The following E2F1 variants were observed in gnomAD, a reference collection of about 807,000 sequenced individuals.
E2F1 encodes transcription factor E2F1.
A neutral mutation model predicts 36.9 loss-of-function variants in E2F1; 7 were observed. The observed-to-expected ratio is 0.19, with a 90% CI of 0.11 to 0.36. The LOEUF is 0.36. Among genes scored for constraint, E2F1 ranks in the 10% least tolerant of loss-of-function variants. The probability of loss-of-function intolerance (pLI) is 1.00; values close to 1 mark genes in which losing one functional copy is unlikely to be tolerated. For missense variants in E2F1, 406 were observed against 573.6 expected, an observed-to-expected ratio of 0.71 and a Z score of 2.99; for synonymous variants, 261 against 263.1, an observed-to-expected ratio of 0.99 and a Z score of 0.08.
In E2F1 at chr20:33,679,686, G is replaced by A; in HGVS notation, c.572+69C>T. The A allele has an allele frequency of 1.4e-6, 2 of 1,449,084 alleles. No individual in the cohort carries two copies. Among genetic ancestry groups the A allele is most frequent in the Non-Finnish European group, 1.9e-6 (2 of 1,031,816 alleles). The allele number at this position is 1,449,084 out of a possible 1,614,324, so 89.8% of individuals were successfully genotyped here. A position where few individuals can be genotyped will look rare whatever the true frequency, so the allele number is the denominator to read the frequency against. On this transcript the variant is annotated intron_variant, in intron 3 of 6. Coordinates refer to ENST00000343380, the MANE Select transcript of E2F1 (RefSeq NM_005225.3). This position sits in a 1 kb window ranked among gnomAD's most constrained non-coding sequence, Gnocchi z 4.6. ...ATGGGGATGCAGGCAGCCACAGTGG[G>A]TATTACTACCAGCTCCTCCAGGCTG...
rs2017994532 is a variant in E2F1 at position 33,679,064 on chromosome 20, G to A, written c.572+691C>T. On this transcript the variant is annotated intron_variant, in intron 3 of 6. Transcript: ENST00000343380. This position sits in a 1 kb window ranked among gnomAD's most constrained non-coding sequence, Gnocchi z 4.6. ...TGATGACTGGCGCGAAGGCGAGAGG[G>A]GGAAAATAAAACAAGAATAAAATAT... 6.6e-6 allele frequency among the ~76,000 whole-genome samples: 1 copy of A among 152,240 alleles called. No homozygotes were observed. Among genetic ancestry groups the A allele is most frequent in the South Asian group, 2.1e-4 (1 of 4,830 alleles).
rs1046184172 is a variant in E2F1 at position 33,679,692 on chromosome 20, C to A, written c.572+63G>T. 2.6e-6 allele frequency: 4 copies of A among 1,510,084 alleles called. No homozygotes were observed. Among genetic ancestry groups the A allele is most frequent in the South Asian group, 1.1e-5 (1 of 88,940 alleles). 93.5% of individuals were successfully genotyped at this position (1,510,084 alleles called of 1,614,324 possible). On this transcript the variant is annotated intron_variant, in intron 3 of 6. Coordinates refer to ENST00000343380, the MANE Select transcript of E2F1 (RefSeq NM_005225.3). The surrounding 1 kb of genome is among the most constrained non-coding windows in gnomAD (Gnocchi z 4.6). ...ATGCAGGCAGCCACAGTGGGTATTACTACCAGCTCCTCCAGGCTGGCATGG... is the reference window on the plus strand; with the variant it reads ...ATGCAGGCAGCCACAGTGGGTATTAATACCAGCTCCTCCAGGCTGGCATGG...
intron 1 of E2F1, among the ~76,000 whole-genome samples, chr20:33,682,606 C>A (rs960966105): frequency 1.3e-5 from 2 of 152,226 alleles, no homozygotes; most frequent in Non-Finnish European, 2.9e-5. Flanking sequence ...CCCCTGAAGG[C>A]AGGTCAGTGC....
chr20:33,678,541 G>A (rs954007561), intron 3 of E2F1, among the ~76,000 whole-genome samples, 188 bp from the exon 4 acceptor site: 6 of 152,088 alleles, frequency 3.9e-5, no homozygotes, highest in South Asian at 2.1e-4. Flanking sequence ...AGTCTGGCCC[G>A]AATATAAACA....
chr20:33,685,341 C>A (rs2018057394), intron 1 of E2F1, among the ~76,000 whole-genome samples: 1 of 152,098 alleles, frequency 6.6e-6, no homozygotes, highest in African/African-American at 2.4e-5. Flanking sequence ...CAGAGAAGGC[C>A]TCCCAGCCAG....
rs771807428 is a variant in E2F1 at position 33,677,140 on chromosome 20, G to C, written c.1031C>G (p.Thr344Arg). 5 of 1,614,016 alleles carry C rather than the reference G, an allele frequency of 3.1e-6. No individual in the cohort carries two copies. In the South Asian group the frequency reaches 5.5e-5, roughly 18 times the overall value. ...GCTGAGTAGAGACTGGCTGGGATCTGTGGTGAGGGATGAGGGGGGAGATGA... is the reference window on the plus strand; with the variant it reads ...GCTGAGTAGAGACTGGCTGGGATCTCTGGTGAGGGATGAGGGGGGAGATGA... ...PPSSPPSSLT[T>R]DPSQSLLSLE... is the part of the protein sequence containing the mutation. Residue 344 changes from threonine to arginine, a missense_variant, in exon 6 of 7, where the codon ACA becomes AGA. Coordinates refer to ENST00000343380, the MANE Select transcript of E2F1 (RefSeq NM_005225.3).
chr20:33,676,407 G>A lies in E2F1; in HGVS notation c.*325C>T, dbSNP rs560344503. On this transcript the variant is annotated 3_prime_UTR_variant, in exon 7 of 7. Coordinates refer to ENST00000343380, the MANE Select transcript of E2F1 (RefSeq NM_005225.3). ...CACACACATGTGGACACACTGGGGC[G>A]TGTCTGCAGTGCACACACAGAGGTG... The A allele has an allele frequency of 1.2e-5, 3 of 259,986 alleles. No homozygotes were observed. The highest frequency in any genetic ancestry group is 7.5e-5 in the South Asian group (1 of 13,410). 16.1% of individuals were successfully genotyped at this position (259,986 alleles called of 1,614,324 possible).
At chr20:33,681,396 A>C (rs759489875) in intron 1 of E2F1, among the ~76,000 whole-genome samples, 3 of 152,150 alleles carry the variant, frequency 2.0e-5, no homozygotes, top group African/African-American at 4.8e-5. Flanking sequence ...TTTTTGACTA[A>C]TCTATACGCA....
intron 1 of E2F1, among the ~76,000 whole-genome samples, chr20:33,681,126 C>A (rs1318639841): frequency 6.6e-6 from 1 of 152,158 alleles, no homozygotes; most frequent in Non-Finnish European, 1.5e-5. Context: ...GCAGCCTAGA[C>A]TTCCTGGGCT....
At chr20:33,681,771 C>T (rs950934833) in intron 1 of E2F1, among the ~76,000 whole-genome samples, 20 of 152,146 alleles carry the variant, frequency 1.3e-4, no homozygotes, top group Admixed American at 6.5e-4. Context: ...ATCACCACGG[C>T]GATCACCACC....
intron 1 of E2F1, among the ~76,000 whole-genome samples, chr20:33,683,746 TG>T (rs1424907850): frequency 6.6e-6 from 1 of 152,040 alleles, no homozygotes; most frequent in African/African-American, 2.4e-5. Flanking sequence ...CACTCCAGCC[TG>T]GGTAACAGAA....
Position 33,676,363 on chromosome 20 carries a change from G to T in E2F1, c.*369C>A. ...GAAAGTGCAGTTAGAGCCCCCCCAC[G>T]CGCACACATGGACTCATGCACACAC... is the stretch of plus-strand genomic sequence containing the variant. On this transcript the variant is annotated 3_prime_UTR_variant, in exon 7 of 7. Coordinates refer to ENST00000343380, the MANE Select transcript of E2F1 (RefSeq NM_005225.3). The T allele has an allele frequency of 5.7e-6, 1 of 176,064 alleles. No individual in the cohort carries two copies. Among genetic ancestry groups the T allele is most frequent in the Non-Finnish European group, 1.2e-5 (1 of 83,864 alleles). The allele number at this position is 176,064 out of a possible 1,614,324, so 10.9% of individuals were successfully genotyped here.
intron 1 of E2F1, among the ~76,000 whole-genome samples, chr20:33,680,856 C>A (rs914255726): frequency 3.3e-5 from 5 of 152,062 alleles, no homozygotes; most frequent in African/African-American, 1.2e-4. Context: ...ACTCAAGTAG[C>A]CCTAATGATG....
chr20:33,679,556 G>A lies in E2F1; in HGVS notation c.572+199C>T, dbSNP rs775534105. Among the ~76,000 whole-genome samples the A allele has an allele frequency of 6.6e-6, 1 of 152,158 alleles. No individual in the cohort carries two copies. The highest frequency in any genetic ancestry group is 6.5e-5 in the Admixed American group (1 of 15,284). On this transcript the variant is annotated intron_variant, in intron 3 of 6. Coordinates refer to ENST00000343380, the MANE Select transcript of E2F1 (RefSeq NM_005225.3). This position sits in a 1 kb window ranked among gnomAD's most constrained non-coding sequence, Gnocchi z 4.6. ...GAAACTCCATCTAAAAAAGAAAAAA[G>A]TAAAGCTGCAACTGAGGTGGATATG... is the stretch of plus-strand genomic sequence containing the variant.
intron 4 of E2F1, 38 bp from the exon 5 acceptor site, chr20:33,677,578 AG>A (rs762315411): frequency 6.6e-7 from 1 of 1,523,054 alleles, no homozygotes; most frequent in Non-Finnish European, 9.1e-7. Flanking sequence ...TTTGACTTCT[AG>A]GGGGTCACTC....
chr20:33,678,557 A>G (rs751379954), intron 3 of E2F1, among the ~76,000 whole-genome samples: 1 of 152,026 alleles, frequency 6.6e-6, no homozygotes, highest in East Asian at 1.9e-4. Flanking sequence ...AAACACCTAC[A>G]TGTCCCTCAA....
At chr20:33,680,553 G>T in intron 1 of E2F1, 137 bp from the exon 2 acceptor site, 1 of 677,190 alleles carries the variant, frequency 1.5e-6, no homozygotes, top group Non-Finnish European at 2.6e-6. Flanking sequence ...AGGGAGATCA[G>T]AGGGGACATA....
Position 33,676,605 on chromosome 20 carries a change from G to A in E2F1, c.*127C>T. ...CAGACCCCAGAGCTAGAAGCTTCTG[G>A]AGACAGAGGAGAGGGGTATAAATTA... is the stretch of plus-strand genomic sequence containing the variant. On this transcript the variant is annotated 3_prime_UTR_variant, in exon 7 of 7. Coordinates refer to ENST00000343380, the MANE Select transcript of E2F1 (RefSeq NM_005225.3). The A allele has an allele frequency of 7.3e-7, 1 of 1,364,008 alleles. No homozygotes were observed. Among genetic ancestry groups the A allele is most frequent in the Non-Finnish European group, 9.7e-7 (1 of 1,028,718 alleles). 84.5% of individuals were successfully genotyped at this position (1,364,008 alleles called of 1,614,324 possible).
chr20:33,681,354 T>A (rs140046362), intron 1 of E2F1, among the ~76,000 whole-genome samples: 1 of 152,330 alleles, frequency 6.6e-6, no homozygotes, highest in Non-Finnish European at 1.5e-5. Flanking sequence ...ACTGATTACA[T>A]AGGTCCCTTG....
Sources: gnomAD v4.1 joint callset for allele counts (sites outside exome capture counted in the v4.1 genomes callset) on GRCh38, gnomAD v4.1.1 for gene constraint, Gnocchi (gnomAD v3.1) non-coding constraint, MANE v1.5 for transcripts, NCBI Gene and HGNC (gene_info 2026-07-23, HGNC 2026-07-21) for gene names.